SYK: variants seen among roughly 807,000 people sequenced by gnomAD.
SYK encodes tyrosine-protein kinase SYK.
Under a neutral mutation model 77.8 loss-of-function variants are expected in SYK, and 16 were observed. The observed-to-expected ratio is 0.21, with a 90% CI of 0.14 to 0.31. The LOEUF is 0.31. SYK is among the 10% of genes least tolerant of loss of function. The pLI is 1.00. For missense variants in SYK, 529 were observed against 814.4 expected, an observed-to-expected ratio of 0.65 and a Z score of 4.26; for synonymous variants, 312 against 308.7, an observed-to-expected ratio of 1.01 and a Z score of -0.11.
chr9:90,891,499 T>C (rs1178803201), intron 13 of SYK, among the ~76,000 whole-genome samples: 1 of 152,168 alleles, frequency 6.6e-6, no homozygotes. Flanking sequence ...CCCTTTTCTA[T>C]TGACACAGCT....
chr9:90,859,419 G>A (rs1406522823), intron 3 of SYK, among the ~76,000 whole-genome samples: 1 of 152,144 alleles, frequency 6.6e-6, no homozygotes, highest in Admixed American at 6.5e-5. Flanking sequence ...TTATGTTTGT[G>A]AGACTCATCT....
At chr9:90,863,176 A>G (rs1289902728) in intron 4 of SYK, among the ~76,000 whole-genome samples, 1 of 152,234 alleles carries the variant, frequency 6.6e-6, no homozygotes, top group Non-Finnish European at 1.5e-5. Context: ...GAAGGAAATA[A>G]CCGTAACAGT....
At chr9:90,865,892 T>TTTTTG in intron 6 of SYK, among the ~76,000 whole-genome samples, 1 of 18,908 alleles carries the variant, frequency 5.3e-5, no homozygotes, top group Non-Finnish European at 8.9e-5. Context: ...ACATATGGCC[T>TTTTTG]TTTTTTTTTT....
intron 13 of SYK, among the ~76,000 whole-genome samples, chr9:90,890,481 T>G (rs1828746219): frequency 6.6e-6 from 1 of 152,110 alleles, no homozygotes; most frequent in Non-Finnish European, 1.5e-5. Flanking sequence ...CTAAACGTAT[T>G]TTCCCGCCTG....
chr9:90,887,405 C>CTTTTTTTTTTTT (rs3056951), intron 11 of SYK, among the ~76,000 whole-genome samples: 2 of 128,940 alleles, frequency 1.6e-5, no homozygotes, highest in African/African-American at 2.9e-5. Flanking sequence ...TTCTTTCTTT[C>CTTTTTTTTTTTT]TTTTTTTTTT....
chr9:90,817,541 C>A (rs1387865882), intron 1 of SYK, among the ~76,000 whole-genome samples: 1 of 152,042 alleles, frequency 6.6e-6, no homozygotes, highest in Non-Finnish European at 1.5e-5. Flanking sequence ...GCTGGCTTAT[C>A]ATTGTTTTTT....
intron 11 of SYK, among the ~76,000 whole-genome samples, chr9:90,884,394 CATACACATATGTGTATATATACATACAT>C (rs1828345641): frequency 2.7e-5 from 1 of 37,128 alleles, no homozygotes. Flanking sequence ...TATATGCATA[CATACACATATGTGTATATATACATACAT>C]ATACACATAT....
intron 7 of SYK, among the ~76,000 whole-genome samples, chr9:90,872,021 G>A (rs531261743): frequency 3.2e-4 from 49 of 152,314 alleles, no homozygotes; most frequent in African/African-American, 1.0e-3. Flanking sequence ...TTGTGCCCAG[G>A]GGTTTAGATT....
chr9:90,864,596 A>G lies in SYK; in HGVS notation c.725A>G (p.Glu242Gly), dbSNP rs1827402731. ...TACTTTTTTCTCTTTCAGCTAGTCG[A>G]GCATTATTCTTATAAAGCAGATGGT... ...KKFDTLWQLV[E>G]HYSYKADGLL... Residue 242 changes from glutamate to glycine, a missense_variant, in exon 5 of 14, where the codon GAG becomes GGG. By Grantham distance (98) the Glu-to-Gly change is moderately conservative. Around this residue, in one of 2 missense-constraint regions of SYK, gnomAD observed 321 missense variants for 433.1 expected, o/e 0.74. Coordinates refer to ENST00000375754, the MANE Select transcript of SYK (RefSeq NM_003177.7). The G allele has an allele frequency of 6.2e-7, 1 of 1,613,956 alleles. No individual in the cohort carries two copies. Among genetic ancestry groups the G allele is most frequent in the African/African-American group, 1.3e-5 (1 of 75,032 alleles).
chr9:90,844,652 C>T (rs1016053774), intron 2 of SYK, among the ~76,000 whole-genome samples: 1 of 152,234 alleles, frequency 6.6e-6, no homozygotes, highest in African/African-American at 2.4e-5. Flanking sequence ...ACCATACACA[C>T]TGATAGGCAC....
At chr9:90,882,305 A>G (rs1231100903) in intron 11 of SYK, among the ~76,000 whole-genome samples, 3 of 152,260 alleles carry the variant, frequency 2.0e-5, no homozygotes, top group Non-Finnish European at 2.9e-5. Context: ...CAGAAGTATA[A>G]TCAGTTGTAT....
At chr9:90,885,147 G>A (rs1828514364) in intron 11 of SYK, among the ~76,000 whole-genome samples, 1 of 151,054 alleles carries the variant, frequency 6.6e-6, no homozygotes. Context: ...ACCTCCAAAG[G>A]AACACACAAT....
At chr9:90,860,720 A>G (rs1203814617) in intron 3 of SYK, among the ~76,000 whole-genome samples, 7 of 152,152 alleles carry the variant, frequency 4.6e-5, no homozygotes, top group African/African-American at 1.7e-4. Flanking sequence ...CACTCCTCCC[A>G]TGCCATCGTT....
intron 1 of SYK, among the ~76,000 whole-genome samples, chr9:90,835,334 T>C (rs1400783383): frequency 1.3e-5 from 2 of 152,226 alleles, no homozygotes; most frequent in African/African-American, 2.4e-5. Flanking sequence ...GGGCCACCCA[T>C]AGCTGCATTC....
chr9:90,864,931 C>T (rs1827421180), intron 5 of SYK, 117 bp from the exon 6 acceptor site: 12 of 1,012,350 alleles, frequency 1.2e-5, no homozygotes, highest in Admixed American at 3.9e-5. Context: ...CTGCAGAAAG[C>T]GTGCTCACTT....
At chr9:90,812,663 G>A (rs1297592059) in intron 1 of SYK, among the ~76,000 whole-genome samples, 1 of 152,094 alleles carries the variant, frequency 6.6e-6, no homozygotes, top group Non-Finnish European at 1.5e-5. Flanking sequence ...TTATTGGTAT[G>A]CTGGGTATAA....
At chr9:90,857,445 A>G (rs1316276397) in intron 3 of SYK, among the ~76,000 whole-genome samples, 1 of 152,222 alleles carries the variant, frequency 6.6e-6, no homozygotes, top group Non-Finnish European at 1.5e-5. Context: ...GAACTAAAGC[A>G]GAGGGAGAGA....
At chr9:90,810,558 G>T (rs1825034110) in intron 1 of SYK, among the ~76,000 whole-genome samples, 1 of 152,104 alleles carries the variant, frequency 6.6e-6, no homozygotes, top group Non-Finnish European at 1.5e-5. Context: ...CCCCACGATG[G>T]CCTTTCTGTG....
intron 8 of SYK, 138 bp from the exon 9 acceptor site, chr9:90,874,534 C>A: frequency 1.7e-6 from 2 of 1,151,908 alleles, no homozygotes; most frequent in Non-Finnish European, 2.5e-6. Context: ...AATGTCCCTG[C>A]CACTCTTCAG....
Sources: allele counts gnomAD v4.1 joint callset (sites outside exome capture counted in the v4.1 genomes callset), GRCh38; gene constraint gnomAD v4.1.1; regional missense constraint gnomAD v4.1.1; transcripts MANE v1.5; gene names NCBI Gene and HGNC (gene_info 2026-07-23, HGNC 2026-07-21).